The following BICC1 variants were observed in gnomAD, a reference collection of about 807,000 sequenced individuals.
The protein encoded by BICC1 is BicC family RNA binding protein 1.
Under a neutral mutation model 111.0 loss-of-function variants are expected in BICC1, and 43 were observed. The ratio of observed to expected loss-of-function variants is 0.39; its 90% CI spans 0.30 to 0.50. The LOEUF (loss-of-function observed/expected upper bound fraction) is 0.50, where lower values mean the gene tolerates loss of function less well. Among genes scored for constraint, BICC1 ranks in the 20% least tolerant of loss-of-function variants. The probability of loss-of-function intolerance (pLI) is 0.88; values close to 1 mark genes in which losing one functional copy is unlikely to be tolerated. For synonymous variants in BICC1, 467 were observed against 434.4 expected (o/e 1.07, Z -0.93); for missense variants, 1,091 against 1,203.2 (o/e 0.91, Z 1.38).
intron 1 of BICC1, among the ~76,000 whole-genome samples, chr10:58,591,991 A>T (rs182635257): frequency 7.1e-4 from 108 of 152,366 alleles, no homozygotes; most frequent in Admixed American, 2.2e-3. Flanking sequence ...AATACAGAAT[A>T]TACTTTCCAG....
chr10:58,686,376 G>T (rs1287186418), intron 2 of BICC1, among the ~76,000 whole-genome samples: 1 of 152,114 alleles, frequency 6.6e-6, no homozygotes, highest in Non-Finnish European at 1.5e-5. Context: ...TATCTTTGTG[G>T]CATTCTCTGT....
At chr10:58,703,673 A>G (rs953820974) in intron 3 of BICC1, among the ~76,000 whole-genome samples, 1 of 152,178 alleles carries the variant, frequency 6.6e-6, no homozygotes, top group Non-Finnish European at 1.5e-5. Flanking sequence ...AGAAGAAGAA[A>G]CTGCCGTTCA....
intron 3 of BICC1, among the ~76,000 whole-genome samples, chr10:58,723,389 G>A (rs918548653): frequency 2.6e-5 from 4 of 152,208 alleles, no homozygotes; most frequent in African/African-American, 9.6e-5. Context: ...AAAATGCATG[G>A]AAAAAAATTA....
chr10:58,688,945 G>T (rs978276257), intron 2 of BICC1, among the ~76,000 whole-genome samples: 11 of 152,090 alleles, frequency 7.2e-5, no homozygotes, highest in Admixed American at 2.0e-4. Flanking sequence ...GGGTTGATGG[G>T]TGCAGCAAAC....
At chr10:58,743,709 A>G (rs942515487) in intron 3 of BICC1, among the ~76,000 whole-genome samples, 5 of 151,706 alleles carry the variant, frequency 3.3e-5, no homozygotes, top group South Asian at 2.1e-4. Context: ...TTGGTATGCT[A>G]TAGAGTCAGG....
intron 2 of BICC1, among the ~76,000 whole-genome samples, chr10:58,665,370 G>C (rs557067945): frequency 6.6e-6 from 1 of 152,046 alleles, no homozygotes; most frequent in Admixed American, 6.6e-5. Context: ...TTATTTTAGT[G>C]GTCTTTTTCT....
At chr10:58,653,478 A>G (rs2057864687) in intron 2 of BICC1, among the ~76,000 whole-genome samples, 1 of 152,156 alleles carries the variant, frequency 6.6e-6, no homozygotes, top group African/African-American at 2.4e-5. Context: ...CATAAGCATC[A>G]AACTGTGCAC....
At chr10:58,572,798 A>G (rs1417416753) in intron 1 of BICC1, among the ~76,000 whole-genome samples, 1 of 152,192 alleles carries the variant, frequency 6.6e-6, no homozygotes, top group Non-Finnish European at 1.5e-5. Flanking sequence ...AACACCAGAT[A>G]GCCAGAGGTA....
At chr10:58,691,527 A>G (rs1839907268) in intron 2 of BICC1, among the ~76,000 whole-genome samples, 1 of 152,260 alleles carries the variant, frequency 6.6e-6, no homozygotes. Flanking sequence ...AGCAGAGGTC[A>G]AAAAGTGGGA....
chr10:58,568,367 T>C (rs139442418), intron 1 of BICC1, among the ~76,000 whole-genome samples: 3 of 152,234 alleles, frequency 2.0e-5, no homozygotes, highest in Non-Finnish European at 4.4e-5. Flanking sequence ...GTAAGCAACA[T>C]TTGGTTTGCT....
chr10:58,800,115 T>C, intron 12 of BICC1, 79 bp from the exon 13 acceptor site: 6 of 1,166,000 alleles, frequency 5.1e-6, no homozygotes, highest in Admixed American at 2.4e-5. Flanking sequence ...GTGGCTGTTA[T>C]AAATGGGATT....
At chr10:58,692,073 A>G (rs908541684) in intron 2 of BICC1, among the ~76,000 whole-genome samples, 1 of 152,156 alleles carries the variant, frequency 6.6e-6, no homozygotes, top group Non-Finnish European at 1.5e-5. Flanking sequence ...TTAAAAATGA[A>G]TGAGATACAG....
intron 1 of BICC1, among the ~76,000 whole-genome samples, chr10:58,603,533 C>T (rs984879547): frequency 3.9e-5 from 6 of 152,084 alleles, no homozygotes; most frequent in East Asian, 1.9e-4. Context: ...GTTGGTATGC[C>T]GTCAGTCCAC....
chr10:58,720,838 G>A (rs1247669518), intron 3 of BICC1, among the ~76,000 whole-genome samples: 4 of 152,204 alleles, frequency 2.6e-5, no homozygotes, highest in Non-Finnish European at 4.4e-5. Context: ...GAGGATCAGA[G>A]AGTCTTTTTT....
chr10:58,599,878 T>A (rs1306827028), intron 1 of BICC1, among the ~76,000 whole-genome samples: 1 of 152,008 alleles, frequency 6.6e-6, no homozygotes, highest in Non-Finnish European at 1.5e-5. Context: ...ACATCACTCC[T>A]GCTCTGACTA....
intron 1 of BICC1, among the ~76,000 whole-genome samples, chr10:58,536,070 A>G (rs1173489652): frequency 6.6e-6 from 1 of 151,784 alleles, no homozygotes; most frequent in Non-Finnish European, 1.5e-5. Flanking sequence ...GAGCTCCCAG[A>G]TTCGTAAAGC....
At chr10:58,731,711 A>AAG (rs1286462126) in intron 3 of BICC1, among the ~76,000 whole-genome samples, 1 of 290 alleles carries the variant, frequency 3.4e-3, no homozygotes, top group East Asian at 0.25. Context: ...ACAAGGGGAG[A>AAG]GAGAGAGAGA....
intron 2 of BICC1, among the ~76,000 whole-genome samples, chr10:58,634,159 T>G (rs1013576993): frequency 6.6e-6 from 1 of 151,898 alleles, no homozygotes; most frequent in South Asian, 2.1e-4. Flanking sequence ...GACTGGCTAA[T>G]TTTTTGTATT....
intron 1 of BICC1, among the ~76,000 whole-genome samples, chr10:58,577,758 A>C (rs1465274307): frequency 2.6e-5 from 4 of 152,200 alleles, no homozygotes. Flanking sequence ...TTTAATCTAA[A>C]ATATGTCCTT....
Sources: gnomAD v4.1 joint callset for allele counts (sites outside exome capture counted in the v4.1 genomes callset) on GRCh38, gnomAD v4.1.1 for gene constraint, MANE v1.5 for transcripts, NCBI Gene and HGNC (gene_info 2026-07-23, HGNC 2026-07-21) for gene names.